NFAT5: variants seen among roughly 807,000 people sequenced by gnomAD.
NFAT5 encodes the protein nuclear factor of activated T cells 5.
Under a neutral mutation model 166.5 loss-of-function variants are expected in NFAT5, and 31 were observed. That is an observed-to-expected ratio of 0.19 (90% CI 0.14 to 0.25). The LOEUF is 0.25. Ranked by LOEUF, NFAT5 falls within the 10% of genes least tolerant of loss-of-function variation. NFAT5 has a pLI of 1.00. For missense variants in NFAT5, 1,449 were observed against 1,821.8 expected, an observed-to-expected ratio of 0.80 and a Z score of 3.72; for synonymous variants, 612 against 639.7, an observed-to-expected ratio of 0.96 and a Z score of 0.65.
chr16:69,675,324 C>G (rs1007333731), intron 9 of NFAT5, among the ~76,000 whole-genome samples: 8 of 152,154 alleles, frequency 5.3e-5, no homozygotes, highest in African/African-American at 1.9e-4. Flanking sequence ...AGTGAGAGCT[C>G]TCACAAGCTG....
At position 69,591,104 on chromosome 16, in the gene NFAT5, C is replaced by A. The variant is rs192184158; in HGVS notation, c.127+22556C>A. 2.2e-3 allele frequency among the ~76,000 whole-genome samples: 339 copies of A among 152,008 alleles called. 2 individuals carry two copies. Among genetic ancestry groups the A allele is most frequent in the South Asian group, 5.8e-3 (28 of 4,806 alleles). On this transcript the variant is annotated intron_variant, in intron 2 of 14. Transcript: ENST00000349945. Reference sequence around the variant, plus strand: ...ATGCCACCATGCCTGGCTAATTTTTCTATTTTTAGTAGAGATGGGGTTTTG... The same window carrying A: ...ATGCCACCATGCCTGGCTAATTTTTATATTTTTAGTAGAGATGGGGTTTTG...
chr16:69,582,067 C>G (rs2031736550), intron 2 of NFAT5, among the ~76,000 whole-genome samples: 1 of 152,080 alleles, frequency 6.6e-6, no homozygotes, highest in Non-Finnish European at 1.5e-5. Context: ...GAGTTCAGGA[C>G]CAGGCTGGGC....
At chr16:69,574,747 C>T (rs900021169) in intron 2 of NFAT5, among the ~76,000 whole-genome samples, 2 of 151,692 alleles carry the variant, frequency 1.3e-5, no homozygotes, top group Admixed American at 1.3e-4. Flanking sequence ...TGGCTTATTG[C>T]AACCTCTGTC....
At chr16:69,670,435 T>C in intron 9 of NFAT5, 147 bp downstream of exon 9, 1 of 564,738 alleles carries the variant, frequency 1.8e-6, no homozygotes, top group Non-Finnish European at 3.1e-6. Flanking sequence ...TGAGTTTCTT[T>C]AACTGAAATA....
intron 2 of NFAT5, among the ~76,000 whole-genome samples, chr16:69,622,974 C>T (rs1292148832): frequency 2.6e-5 from 4 of 151,984 alleles, no homozygotes; most frequent in Non-Finnish European, 4.4e-5. Context: ...GGAGAAACCC[C>T]GTCTCTATTA....
Position 69,568,346 on chromosome 16 carries a change from ATGTG to A in NFAT5, c.74-121_74-118del, listed in dbSNP as rs1555515541. The A allele has an allele frequency of 4.6e-4, 83 of 180,642 alleles. 1 individual carries two copies. The East Asian group carries it at 6.0e-3, about 13-fold the overall frequency. 11.2% of individuals were successfully genotyped at this position (180,642 alleles called of 1,614,324 possible). A position where few individuals can be genotyped will look rare whatever the true frequency, so the allele number is the denominator to read the frequency against. On this transcript the variant is annotated intron_variant, in intron 1 of 14. Coordinates refer to ENST00000349945, the MANE Select transcript of NFAT5 (RefSeq NM_138713.4). ...AAAATGTATGTGTGTATATATATAT[ATGTG>A]TGTGTGTGTGTGTGTGTGTGTGTGT...
At chr16:69,660,230 G>C (rs1477688166) in intron 7 of NFAT5, among the ~76,000 whole-genome samples, 1 of 152,162 alleles carries the variant, frequency 6.6e-6, no homozygotes, top group Non-Finnish European at 1.5e-5. Flanking sequence ...AGACCAGCCT[G>C]GGCAATGTAG....
chr16:69,628,697 A>G (rs957631502), intron 3 of NFAT5, among the ~76,000 whole-genome samples: 5 of 152,250 alleles, frequency 3.3e-5, no homozygotes, highest in Admixed American at 6.5e-5. Context: ...AAGTTACTCA[A>G]TGTTTTTCTA....
chr16:69,684,974 C>T lies in NFAT5; in HGVS notation c.1774+4C>T. ...TCTTTTGAAGAGGCCATGAAAGGTA[C>T]CAAGTAAATTCTTCTCAAAAATCGT... On this transcript the variant is annotated splice_donor_region_variant and intron_variant, in intron 11 of 14. Transcript: ENST00000349945. 1 of 1,600,230 alleles carries T rather than the reference C, an allele frequency of 6.2e-7. No individual in the cohort carries two copies. The highest frequency in any genetic ancestry group is 1.7e-4 in the Middle Eastern group (1 of 5,848).
chr16:69,672,480 C>T (rs2036663167), intron 9 of NFAT5, among the ~76,000 whole-genome samples: 1 of 152,218 alleles, frequency 6.6e-6, no homozygotes, highest in South Asian at 2.1e-4. Context: ...TCTCCACTCC[C>T]ATGAACCAAC....
At chr16:69,617,167 C>T (rs906347249) in intron 2 of NFAT5, among the ~76,000 whole-genome samples, 14 of 152,210 alleles carry the variant, frequency 9.2e-5, no homozygotes, top group Non-Finnish European at 1.5e-4. Context: ...TGGTCTCGAT[C>T]TCCTGACCTT....
intron 2 of NFAT5, among the ~76,000 whole-genome samples, chr16:69,615,732 A>G (rs1288769689): frequency 6.6e-6 from 1 of 151,826 alleles, no homozygotes; most frequent in Non-Finnish European, 1.5e-5. Context: ...CTTTCATCTT[A>G]TTGAGAAACT....
At chr16:69,573,465 G>T (rs2016557411) in intron 2 of NFAT5, among the ~76,000 whole-genome samples, 1 of 152,038 alleles carries the variant, frequency 6.6e-6, no homozygotes, top group Admixed American at 6.6e-5. Context: ...CATTTAACAT[G>T]AAAAATAATC....
chr16:69,646,983 G>T, intron 3 of NFAT5, 45 bp from the exon 4 acceptor site: 3 of 1,438,112 alleles, frequency 2.1e-6, no homozygotes. Context: ...GCCAGCATAG[G>T]TGAAAACATG....
intron 2 of NFAT5, among the ~76,000 whole-genome samples, chr16:69,608,180 C>T (rs1489650725): frequency 6.6e-6 from 1 of 150,656 alleles, no homozygotes; most frequent in Non-Finnish European, 1.5e-5. Flanking sequence ...GATGGCAAAA[C>T]CCCGGTCTCT....
intron 2 of NFAT5, among the ~76,000 whole-genome samples, chr16:69,599,469 C>T (rs986980165): frequency 1.3e-5 from 2 of 151,976 alleles, no homozygotes; most frequent in Admixed American, 6.6e-5. Flanking sequence ...CCCAGCTGCT[C>T]GGGAGGCAGG....
chr16:69,670,815 A>G (rs1054648292), intron 9 of NFAT5, among the ~76,000 whole-genome samples: 2 of 152,234 alleles, frequency 1.3e-5, no homozygotes, highest in African/African-American at 4.8e-5. Flanking sequence ...CCAAACCCCT[A>G]GAAATTGAGA....
intron 6 of NFAT5, among the ~76,000 whole-genome samples, chr16:69,656,967 C>A (rs2035906975): frequency 1.3e-5 from 2 of 152,000 alleles, no homozygotes; most frequent in African/African-American, 4.8e-5. Context: ...TAAAATTGAA[C>A]CGTAACAGCA....
Position 69,693,346 on chromosome 16 carries a change from C to G in NFAT5, c.3521C>G (p.Ala1174Gly), listed in dbSNP as rs1400479146. 2 of 1,614,154 alleles carry G rather than the reference C, an allele frequency of 1.2e-6. No individual in the cohort carries two copies. Among genetic ancestry groups the G allele is most frequent in the Non-Finnish European group, 1.7e-6 (2 of 1,180,032 alleles). ...AATAATCTTCAGACTAACACAGTAG[C>G]CCAAGAAGCATTTTTTGCAGCACCG... ...PMNNLQTNTV[A>G]QEAFFAAPNS... Residue 1174 changes from alanine (A) to glycine (G), a missense_variant, in exon 13 of 15, where the codon GCC becomes GGC. This residue lies in a region of NFAT5 where 891 missense variants were observed against 993.0 expected (regional missense o/e 0.90). Transcript: ENST00000349945.
Sources: gnomAD v4.1 joint callset for allele counts (sites outside exome capture counted in the v4.1 genomes callset) on GRCh38, gnomAD v4.1.1 for gene constraint, gnomAD v4.1.1 regional missense constraint, MANE v1.5 for transcripts, NCBI Gene and HGNC (gene_info 2026-07-23, HGNC 2026-07-21) for gene names.